Variants in INSL6 observed in about 807,000 individuals in gnomAD.
INSL6 encodes the protein insulin-like peptide INSL6.
Under a neutral mutation model 9.4 loss-of-function variants are expected in INSL6, and 16 were observed. That is an observed-to-expected ratio of 1.70 (90% CI 1.15 to 2.59). INSL6 has a LOEUF of 2.59. Ranked by LOEUF, INSL6 falls within the 30% of genes most tolerant of loss-of-function variation. INSL6 has a pLI of 0.00. For synonymous variants in INSL6, 154 were observed against 96.9 expected (o/e 1.59, Z -3.46); for missense variants, 391 against 257.3 (o/e 1.52, Z -3.56).
chr9:5,084,863 A>G, the INSL6 span: 1 of 390,086 alleles, frequency 2.6e-6, no homozygotes, highest in Non-Finnish European at 4.9e-6. Flanking sequence ...GCAATAAAAC[A>G]AATTGCCCAT....
intron 2 of INSL6, among the ~76,000 whole-genome samples, chr9:5,134,231 T>G (rs926418630): frequency 3.3e-5 from 5 of 152,172 alleles, no homozygotes; most frequent in Admixed American, 1.3e-4. Flanking sequence ...TACCTGAAAG[T>G]TGACAGGGAG....
chr9:5,137,642 G>A (rs1824410913), intron 2 of INSL6, among the ~76,000 whole-genome samples: 1 of 152,166 alleles, frequency 6.6e-6, no homozygotes, highest in African/African-American at 2.4e-5. Context: ...AAACCTGGAA[G>A]AAAACCTAGG....
At chr9:5,070,132 A>G in the INSL6 span, 3,836 of 990,948 alleles carry the variant, frequency 3.9e-3, 96 homozygotes, top group African/African-American at 0.057. Flanking sequence ...TTCATGTGAC[A>G]TTGGAATTAT....
At chr9:5,106,424 TAGG>T in the INSL6 span, among the ~76,000 whole-genome samples, 1 of 152,108 alleles carries the variant, frequency 6.6e-6, no homozygotes, top group Non-Finnish European at 1.5e-5. Context: ...TGTGGCGAAA[TAGG>T]AACACTTTCA....
At chr9:5,118,679 T>G in the INSL6 span, among the ~76,000 whole-genome samples, 1 of 152,206 alleles carries the variant, frequency 6.6e-6, no homozygotes, top group Non-Finnish European at 1.5e-5. Flanking sequence ...AGAAAACTTG[T>G]TTGTGTAAGT....
intron 2 of INSL6, among the ~76,000 whole-genome samples, chr9:5,140,460 T>C (rs909420377): frequency 6.6e-6 from 1 of 152,134 alleles, no homozygotes; most frequent in South Asian, 2.1e-4. Flanking sequence ...GTCTCTTCTT[T>C]TACACTCCCC....
chr9:5,011,217 C>T, the INSL6 span, among the ~76,000 whole-genome samples: 1 of 149,802 alleles, frequency 6.7e-6, no homozygotes, highest in Non-Finnish European at 1.5e-5. Flanking sequence ...TTATATGTAT[C>T]AGACTTTGTT....
the INSL6 span, chr9:5,094,325 T>TC: frequency 7.9e-5 from 12 of 152,252 alleles, no homozygotes; most frequent in Non-Finnish European, 1.5e-5. Context: ...ATCACCCTCC[T>TC]CTTCTGGACT....
rs549228534 is a variant in INSL6, at chr9:5,171,742, T to C, written c.290-7477A>G. ...ATTATGAATGAACTCCTATTCACAATTGCTACAAAGAGAATATACCTATGA... is the reference window on the plus strand; with the variant it reads ...ATTATGAATGAACTCCTATTCACAACTGCTACAAAGAGAATATACCTATGA... On this transcript the variant is annotated intron_variant, in intron 1 of 1. Coordinates refer to ENST00000381641, the MANE Select transcript of INSL6 (RefSeq NM_007179.3). Among the ~76,000 whole-genome samples the C allele has an allele frequency of 1.6e-3, 246 of 152,252 alleles. 1 individual carries two copies. Among genetic ancestry groups the C allele is most frequent in the Middle Eastern group, 3.4e-3 (1 of 294 alleles).
At chr9:5,088,683 C>G in the INSL6 span, among the ~76,000 whole-genome samples, 1 of 152,208 alleles carries the variant, frequency 6.6e-6, no homozygotes, top group Admixed American at 6.5e-5. Flanking sequence ...CCTGGAAAGT[C>G]TGAGATCAAA....
the INSL6 span, among the ~76,000 whole-genome samples, chr9:5,118,478 G>C: frequency 1.3e-5 from 2 of 152,202 alleles, no homozygotes; most frequent in East Asian, 3.9e-4. Flanking sequence ...GAAGTTACTA[G>C]GATACAGTTT....
chr9:5,104,947 A>G, the INSL6 span, among the ~76,000 whole-genome samples: 140 of 152,340 alleles, frequency 9.2e-4, no homozygotes, highest in African/African-American at 2.1e-3. Flanking sequence ...CTCACAGCCA[A>G]TATCATACTG....
At chr9:5,070,843 T>C in the INSL6 span, among the ~76,000 whole-genome samples, 1 of 152,088 alleles carries the variant, frequency 6.6e-6, no homozygotes, top group Non-Finnish European at 1.5e-5. Context: ...GCCACATTTA[T>C]CAAGGGGGTT....
At chr9:5,181,320 G>A (rs954193403) in intron 1 of INSL6, among the ~76,000 whole-genome samples, 3 of 151,920 alleles carry the variant, frequency 2.0e-5, no homozygotes, top group African/African-American at 4.8e-5. Context: ...AAATAGTAAC[G>A]ATAAAAGGCC....
the INSL6 span, among the ~76,000 whole-genome samples, chr9:4,998,270 T>C: frequency 6.6e-6 from 1 of 152,146 alleles, no homozygotes; most frequent in Non-Finnish European, 1.5e-5. Flanking sequence ...TTTGTTGTTG[T>C]TGTTGAGATG....
downstream of INSL6, among the ~76,000 whole-genome samples, chr9:5,122,067 G>T (rs1386948401): frequency 6.6e-6 from 1 of 152,160 alleles, no homozygotes; most frequent in Admixed American, 6.5e-5. Context: ...CAGTACTATA[G>T]GAATTCAGTG....
chr9:5,028,446 A>T, the INSL6 span, among the ~76,000 whole-genome samples: 2 of 152,170 alleles, frequency 1.3e-5, no homozygotes, highest in African/African-American at 4.8e-5. Flanking sequence ...ATGGCCATAG[A>T]TTTTCAGAAT....
the INSL6 span, among the ~76,000 whole-genome samples, chr9:5,064,604 C>T: frequency 6.6e-6 from 1 of 151,674 alleles, no homozygotes; most frequent in East Asian, 1.9e-4. Flanking sequence ...AGATTTCTAG[C>T]TGAGATAACT....
At chr9:5,073,450 T>G in the INSL6 span, among the ~76,000 whole-genome samples, 1 of 152,294 alleles carries the variant, frequency 6.6e-6, no homozygotes, top group East Asian at 1.9e-4. Context: ...CTGGCATTAT[T>G]CATGATTCCT....
Sources: gnomAD v4.1 joint callset for allele counts (sites outside exome capture counted in the v4.1 genomes callset) on GRCh38, gnomAD v4.1.1 for gene constraint, MANE v1.5 for transcripts, NCBI Gene and HGNC (gene_info 2026-07-23, HGNC 2026-07-21) for gene names.